The following ROR1 variants were observed in gnomAD, a reference collection of about 807,000 sequenced individuals.
ROR1 encodes ROR family WNT receptor 1.
In ROR1, 19 loss-of-function variants were observed where a neutral mutation model predicts 78.8. The ratio of observed to expected loss-of-function variants is 0.24; its 90% CI spans 0.17 to 0.35. The LOEUF (loss-of-function observed/expected upper bound fraction) is 0.35, where lower values mean the gene tolerates loss of function less well. ROR1 is among the 10% of genes least tolerant of loss of function. The pLI is 1.00. For synonymous variants in ROR1, 386 were observed against 433.6 expected, an observed-to-expected ratio of 0.89 and a Z score of 1.36; for missense variants, 917 against 1,177.8, an observed-to-expected ratio of 0.78 and a Z score of 3.24.
intron 1 of ROR1, among the ~76,000 whole-genome samples, chr1:63,791,641 A>C (rs1200880984): frequency 1.3e-5 from 2 of 152,100 alleles, no homozygotes; most frequent in Non-Finnish European, 2.9e-5. Context: ...GGCATGGTGG[A>C]TGGGCATGAG....
At chr1:63,823,312 C>A (rs751683610) in intron 1 of ROR1, among the ~76,000 whole-genome samples, 2 of 152,096 alleles carry the variant, frequency 1.3e-5, no homozygotes, top group Non-Finnish European at 2.9e-5. Context: ...TTCATCTACC[C>A]ACTCACCCAT....
At chr1:63,796,561 A>C (rs1644761605) in intron 1 of ROR1, among the ~76,000 whole-genome samples, 1 of 152,232 alleles carries the variant, frequency 6.6e-6, no homozygotes, top group South Asian at 2.1e-4. Context: ...CGAAGAATTT[A>C]TCCAAGACTG....
intron 1 of ROR1, among the ~76,000 whole-genome samples, chr1:63,987,334 A>G (rs1167372281): frequency 6.6e-6 from 1 of 152,238 alleles, no homozygotes; most frequent in Admixed American, 6.5e-5. Context: ...TGCCTGACCC[A>G]TAAGCACTAA....
chr1:64,171,982 T>A (rs112592031), intron 8 of ROR1, among the ~76,000 whole-genome samples: 2,045 of 152,294 alleles, frequency 0.013, 41 homozygotes, highest in African/African-American at 0.047. Context: ...TCATTTCAAA[T>A]GTATTGTCAC....
intron 1 of ROR1, among the ~76,000 whole-genome samples, chr1:63,971,509 T>G (rs2100497651): frequency 6.6e-6 from 1 of 152,328 alleles, no homozygotes; most frequent in East Asian, 1.9e-4. Context: ...GATTGAGCTG[T>G]AGATATCTGG....
intron 1 of ROR1, among the ~76,000 whole-genome samples, chr1:63,942,613 G>C (rs915570945): frequency 6.6e-6 from 1 of 152,038 alleles, no homozygotes; most frequent in Non-Finnish European, 1.5e-5. Flanking sequence ...AGAAAAAGGC[G>C]GTTCCTTTTA....
chr1:64,042,582 C>G (rs553408944), intron 2 of ROR1, among the ~76,000 whole-genome samples: 1 of 152,282 alleles, frequency 6.6e-6, no homozygotes, highest in South Asian at 2.1e-4. Context: ...TCCCTTCATA[C>G]CTTCAGGTTA....
At chr1:63,787,059 G>A (rs554335017) in intron 1 of ROR1, among the ~76,000 whole-genome samples, 2 of 152,270 alleles carry the variant, frequency 1.3e-5, no homozygotes, top group East Asian at 3.9e-4. Context: ...TTGGTTTAGG[G>A]CCCTTTGCCT....
At chr1:63,780,276 C>T (rs556107245) in intron 1 of ROR1, among the ~76,000 whole-genome samples, 66 of 151,764 alleles carry the variant, frequency 4.3e-4, no homozygotes, top group African/African-American at 1.4e-3. Flanking sequence ...TTGATAGCTG[C>T]TTAAAGAGGT....
At chr1:64,007,517 G>A (rs1177749539) in intron 1 of ROR1, among the ~76,000 whole-genome samples, 3 of 152,010 alleles carry the variant, frequency 2.0e-5, no homozygotes, top group Non-Finnish European at 4.4e-5. Context: ...GTATATTACA[G>A]TCTATTATTA....
intron 1 of ROR1, among the ~76,000 whole-genome samples, chr1:63,951,493 G>T (rs1480649448): frequency 1.3e-5 from 2 of 152,162 alleles, no homozygotes; most frequent in Admixed American, 1.3e-4. Context: ...CTGAGGAGGG[G>T]ACAACTTTGA....
chr1:64,027,608 T>G (rs1481106970), intron 2 of ROR1, among the ~76,000 whole-genome samples: 1 of 152,186 alleles, frequency 6.6e-6, no homozygotes, highest in Non-Finnish European at 1.5e-5. Context: ...TATTTCAACA[T>G]GTTAGATTTG....
intron 1 of ROR1, among the ~76,000 whole-genome samples, chr1:63,813,409 T>C (rs1397953638): frequency 6.6e-6 from 1 of 152,244 alleles, no homozygotes; most frequent in Admixed American, 6.5e-5. Flanking sequence ...ATTGATTGAA[T>C]GAATGAATTA....
chr1:63,981,922 T>C (rs1646213681), intron 1 of ROR1, among the ~76,000 whole-genome samples: 1 of 152,142 alleles, frequency 6.6e-6, no homozygotes, highest in African/African-American at 2.4e-5. Flanking sequence ...CCCAATTTGT[T>C]GTTAATGCTT....
chr1:63,804,092 G>T (rs1158618344), intron 1 of ROR1, among the ~76,000 whole-genome samples: 1 of 152,070 alleles, frequency 6.6e-6, no homozygotes, highest in Non-Finnish European at 1.5e-5. Flanking sequence ...ATAGAGAACA[G>T]ATTAATGGTT....
chr1:63,854,224 G>A (rs1645134367), intron 1 of ROR1, among the ~76,000 whole-genome samples: 1 of 152,092 alleles, frequency 6.6e-6, no homozygotes. Context: ...ACGTATTACT[G>A]CTCTGCTGCC....
chr1:63,785,380 C>T (rs1283620261), intron 1 of ROR1, among the ~76,000 whole-genome samples: 2 of 152,076 alleles, frequency 1.3e-5, no homozygotes, highest in Non-Finnish European at 2.9e-5. Context: ...TGTTTTATCT[C>T]CTCCCTTCAG....
intron 1 of ROR1, among the ~76,000 whole-genome samples, chr1:63,841,975 C>T (rs914302440): frequency 2.0e-5 from 3 of 152,130 alleles, no homozygotes; most frequent in African/African-American, 7.2e-5. Context: ...TATCTCATCC[C>T]CAGCACCCAC....
At chr1:64,124,867 G>A (rs779744108) in intron 4 of ROR1, among the ~76,000 whole-genome samples, 2 of 152,164 alleles carry the variant, frequency 1.3e-5, no homozygotes, top group Non-Finnish European at 2.9e-5. Flanking sequence ...CATATGATTT[G>A]CAGTTCATAT....
Sources: allele counts gnomAD v4.1 joint callset (sites outside exome capture counted in the v4.1 genomes callset), GRCh38; gene constraint gnomAD v4.1.1; transcripts MANE v1.5; gene names NCBI Gene and HGNC (gene_info 2026-07-23, HGNC 2026-07-21).